The following AGBL1 variants were observed in gnomAD, a reference collection of about 807,000 sequenced individuals.
AGBL1 encodes AGBL carboxypeptidase 1, also known as cytosolic carboxypeptidase 4.
AGBL1 carries 130 observed loss-of-function variants against 118.9 expected under a neutral mutation model. The observed-to-expected ratio is 1.09, with a 90% CI of 0.95 to 1.26. The LOEUF (loss-of-function observed/expected upper bound fraction) is 1.26. Ranked by LOEUF, AGBL1 falls within the 50% of genes most tolerant of loss-of-function variation. The pLI is 0.00. For missense variants in AGBL1, 1,584 were observed against 1,298.1 expected (o/e 1.22, Z -3.38); for synonymous variants, 555 against 478.9 (o/e 1.16, Z -2.08).
intron 5 of AGBL1, among the ~76,000 whole-genome samples, chr15:86,168,914 T>A (rs893807246): frequency 2.6e-5 from 4 of 152,252 alleles, no homozygotes; most frequent in Non-Finnish European, 5.9e-5. Context: ...TCTTTGTGAA[T>A]TACATATTCC....
At chr15:86,232,629 G>A (rs902440448) in intron 6 of AGBL1, among the ~76,000 whole-genome samples, 5 of 152,150 alleles carry the variant, frequency 3.3e-5, no homozygotes, top group African/African-American at 1.2e-4. Context: ...AGTGATGTTA[G>A]CATGATGGAT....
At chr15:86,112,223 G>C (rs1897432762) in intron 1 of AGBL1, among the ~76,000 whole-genome samples, 1 of 152,066 alleles carries the variant, frequency 6.6e-6, no homozygotes, top group Non-Finnish European at 1.5e-5. Context: ...TGAAAAAATT[G>C]TCTTCCACAA....
At chr15:86,674,172 G>A in intron 21 of AGBL1, 101 bp from the exon 22 acceptor site, 1 of 1,127,350 alleles carries the variant, frequency 8.9e-7, no homozygotes, top group Non-Finnish European at 1.3e-6. Context: ...CTCACTGTCT[G>A]AAAAATGCCT....
intron 19 of AGBL1, among the ~76,000 whole-genome samples, chr15:86,523,729 C>T (rs1228010901): frequency 6.6e-6 from 1 of 152,058 alleles, no homozygotes; most frequent in Admixed American, 6.5e-5. Context: ...TTTATTCTGG[C>T]ACTGCCCCAG....
At chr15:86,082,900 A>G (rs1447011465) in intron 1 of AGBL1, among the ~76,000 whole-genome samples, 1 of 152,238 alleles carries the variant, frequency 6.6e-6, no homozygotes, top group Admixed American at 6.5e-5. Flanking sequence ...GACTGGATCC[A>G]GCCCCTTGTC....
chr15:86,723,701 GA>G (rs1407835639), intron 22 of AGBL1, among the ~76,000 whole-genome samples: 2 of 151,908 alleles, frequency 1.3e-5, no homozygotes, highest in Non-Finnish European at 2.9e-5. Flanking sequence ...TGACTAAACG[GA>G]AAACTAGAAC....
At chr15:86,771,600 C>G (rs2078182363) in intron 22 of AGBL1, among the ~76,000 whole-genome samples, 1 of 152,010 alleles carries the variant, frequency 6.6e-6, no homozygotes, top group South Asian at 2.1e-4. Context: ...CAATGCAGTA[C>G]TCTCATCGCC....
intron 24 of AGBL1, among the ~76,000 whole-genome samples, chr15:86,995,771 A>C (rs2081374019): frequency 6.6e-6 from 1 of 152,102 alleles, no homozygotes; most frequent in Admixed American, 6.6e-5. Context: ...GTTTGGTTTG[A>C]TGCTTTTTCT....
At chr15:86,790,803 A>G (rs994222118) in intron 22 of AGBL1, among the ~76,000 whole-genome samples, 1 of 152,156 alleles carries the variant, frequency 6.6e-6, no homozygotes, top group Admixed American at 6.6e-5. Context: ...TAGAAAATGT[A>G]TAACAGTTCT....
At chr15:86,817,549 A>C (rs1234876375) in intron 22 of AGBL1, among the ~76,000 whole-genome samples, 1 of 140,634 alleles carries the variant, frequency 7.1e-6, no homozygotes, top group Non-Finnish European at 1.5e-5. Flanking sequence ...ACACACAGAC[A>C]CACAGAGGAG....
intron 21 of AGBL1, among the ~76,000 whole-genome samples, chr15:86,642,141 A>G (rs28622549): frequency 0.027 from 4,107 of 152,266 alleles, 182 homozygotes; most frequent in African/African-American, 0.093. Flanking sequence ...GAAACAGGGA[A>G]ATATATTTGG....
chr15:87,012,541 C>G lies in AGBL1; in HGVS notation c.3324-16284C>G, dbSNP rs74025774. On this transcript the variant is annotated intron_variant, in intron 24 of 24. Coordinates refer to the AGBL1 transcript ENST00000441037. The stretch of plus-strand genomic sequence containing the variant: ...TCACCTGGTAAGAGGAACTTATGTA[C>G]CACTGATGGAAACAGAATGATGGGG... 2.9e-3 allele frequency among the ~76,000 whole-genome samples: 443 copies of G among 151,944 alleles called. 2 individuals carry two copies. The highest frequency in any genetic ancestry group is 9.9e-3 in the African/African-American group (411 of 41,428).
intron 18 of AGBL1, among the ~76,000 whole-genome samples, chr15:86,477,741 C>G (rs917908134): frequency 1.3e-5 from 2 of 152,176 alleles, no homozygotes; most frequent in Non-Finnish European, 2.9e-5. Flanking sequence ...ATGAGGCCAG[C>G]ATCGTTCTGA....
At chr15:86,127,616 T>C (rs1157560232) in intron 1 of AGBL1, among the ~76,000 whole-genome samples, 1 of 152,258 alleles carries the variant, frequency 6.6e-6, no homozygotes, top group African/African-American at 2.4e-5. Flanking sequence ...AATTCTATTA[T>C]GGCGGAGCCA....
At chr15:86,842,597 G>A (rs1677546782) in intron 22 of AGBL1, among the ~76,000 whole-genome samples, 1 of 152,236 alleles carries the variant, frequency 6.6e-6, no homozygotes, top group African/African-American at 2.4e-5. Context: ...GAGGACATGG[G>A]CTCATGCTAA....
chr15:86,701,336 G>A (rs1264820556), intron 22 of AGBL1, among the ~76,000 whole-genome samples: 1 of 151,864 alleles, frequency 6.6e-6, no homozygotes, highest in Non-Finnish European at 1.5e-5. Flanking sequence ...AAAAATATGG[G>A]GACTCTGGTT....
intron 16 of AGBL1, among the ~76,000 whole-genome samples, chr15:86,280,796 T>C (rs1174946318): frequency 6.6e-6 from 1 of 152,202 alleles, no homozygotes; most frequent in African/African-American, 2.4e-5. Context: ...CTTGAACCAC[T>C]TGGCTCACTG....
At chr15:86,430,489 C>CA (rs556112771) in intron 18 of AGBL1, among the ~76,000 whole-genome samples, 8,915 of 85,154 alleles carry the variant, frequency 0.1, 341 homozygotes, top group East Asian at 0.21. Context: ...AGCGCCGTCG[C>CA]AAAAAAAAAA....
In AGBL1 at chr15:86,913,345, G is replaced by C. The variant is rs1036369444; in HGVS notation, c.*6051G>C. ...TGATTTTAGGCTCTACTGTCACACA[G>C]ATGTCAAGATGAAGGCCTTTTGGGC... is the stretch of plus-strand genomic sequence containing the variant. On this transcript the variant is annotated 3_prime_UTR_variant, in exon 23 of 23. Coordinates refer to ENST00000614907, the MANE Select transcript of AGBL1 (RefSeq NM_001386094.1). The C allele has an allele frequency of 1.3e-5, 2 of 152,194 alleles. No homozygotes were observed. Among genetic ancestry groups the C allele is most frequent in the Non-Finnish European group, 2.9e-5 (2 of 68,052 alleles). The allele number at this position is 152,194 out of a possible 1,614,324, so 9.4% of individuals were successfully genotyped here. A position where few individuals can be genotyped will look rare whatever the true frequency, so the allele number is the denominator to read the frequency against.
Sources: allele counts gnomAD v4.1 joint callset (sites outside exome capture counted in the v4.1 genomes callset), GRCh38; gene constraint gnomAD v4.1.1; transcripts MANE v1.5; gene names NCBI Gene and HGNC (gene_info 2026-07-23, HGNC 2026-07-21).